Variants in HERC1 observed in about 807,000 individuals in gnomAD.
HERC1 encodes the protein probable E3 ubiquitin-protein ligase HERC1.
HERC1 carries 160 observed loss-of-function variants against 554.3 expected under a neutral mutation model. The observed-to-expected ratio is 0.29, with a 90% CI of 0.25 to 0.33. The LOEUF is 0.33. Among genes scored for constraint, HERC1 ranks in the 10% least tolerant of loss-of-function variants. The probability of loss-of-function intolerance (pLI) is 1.00; values close to 1 mark genes in which losing one functional copy is unlikely to be tolerated. For missense variants in HERC1, 4,919 were observed against 5,918.5 expected, an observed-to-expected ratio of 0.83 and a Z score of 5.54; for synonymous variants, 2,175 against 2,131.7, an observed-to-expected ratio of 1.02 and a Z score of -0.56.
intron 2 of HERC1, among the ~76,000 whole-genome samples, chr15:63,774,419 A>C (rs1234802709): frequency 6.6e-6 from 1 of 152,210 alleles, no homozygotes; most frequent in African/African-American, 2.4e-5. Flanking sequence ...AAGTTCGCTA[A>C]AACATAAAGT....
rs1445725789 is a variant in HERC1, at chr15:63,678,293, C to T, written c.6622G>A (p.Val2208Ile). 4.3e-6 allele frequency: 7 copies of T among 1,613,624 alleles called. No homozygotes were observed. The South Asian group carries it at 6.6e-5, about 15-fold the overall frequency. The change falls in exon 37 of 78, where the codon GTA becomes ATA. Residue 2208 changes from valine (V) to isoleucine (I), a missense_variant. Transcript: ENST00000443617. ...LLPGDPICSP[V>I]AAVLAEATIQ... is the part of the protein sequence containing the mutation. ...GTGGCCTCAGCCAGCACTGCTGCTA[C>T]TGGACTACAAATAGGGTCTCCTGGA...
intron 1 of HERC1, among the ~76,000 whole-genome samples, chr15:63,816,853 C>G (rs2077508017): frequency 6.6e-6 from 1 of 152,176 alleles, no homozygotes; most frequent in African/African-American, 2.4e-5. Flanking sequence ...TTTGCAATCA[C>G]TGATGAATTA....
intron 1 of HERC1, among the ~76,000 whole-genome samples, chr15:63,809,881 T>G (rs2077248318): frequency 6.6e-6 from 1 of 152,106 alleles, no homozygotes; most frequent in Non-Finnish European, 1.5e-5. Flanking sequence ...GGTCTCACTA[T>G]GTTGCCCAGA....
chr15:63,701,894 A>T (rs2072740539), intron 25 of HERC1, among the ~76,000 whole-genome samples: 1 of 152,106 alleles, frequency 6.6e-6, no homozygotes, highest in African/African-American at 2.4e-5. Context: ...TTATATCTGA[A>T]AAGGGCATTA....
rs745928647 is a variant in HERC1 at position 63,749,319 on chromosome 15, G to A, written c.2219+48C>T. On this transcript the variant is annotated intron_variant, in intron 10 of 77. Transcript: ENST00000443617. The surrounding 1 kb of genome is among the most constrained non-coding windows in gnomAD (Gnocchi z 4.1). ...TTATTAGTGTTTCTACTTTTTATTGGTGTTTATGTTAAAACACACAAGAAT... is the reference window on the plus strand; with the variant it reads ...TTATTAGTGTTTCTACTTTTTATTGATGTTTATGTTAAAACACACAAGAAT... 72 of 1,371,696 alleles carry A rather than the reference G, an allele frequency of 5.2e-5. 1 individual carries two copies. The Middle Eastern group carries it at 1.7e-3, about 33-fold the overall frequency. The allele number at this position is 1,371,696 out of a possible 1,614,324, so 85.0% of individuals were successfully genotyped here.
chr15:63,691,236 C>A (rs1203406188), intron 31 of HERC1, among the ~76,000 whole-genome samples: 1 of 152,058 alleles, frequency 6.6e-6, no homozygotes, highest in Non-Finnish European at 1.5e-5. Context: ...GAGGCTGAGG[C>A]GGGCAGATCA....
intron 46 of HERC1, among the ~76,000 whole-genome samples, chr15:63,660,167 A>C (rs1321935984): frequency 1.3e-5 from 2 of 152,016 alleles, no homozygotes. Context: ...AAAAAATACA[A>C]AAATTAGCCA....
intron 1 of HERC1, among the ~76,000 whole-genome samples, chr15:63,809,711 T>C (rs1567150140): frequency 1.3e-5 from 2 of 152,052 alleles, no homozygotes; most frequent in Non-Finnish European, 2.9e-5. Flanking sequence ...AACATTTTCT[T>C]AGTGTAGTTT....
intron 19 of HERC1, among the ~76,000 whole-genome samples, chr15:63,722,259 C>T (rs1596068513): frequency 6.6e-6 from 1 of 152,214 alleles, no homozygotes; most frequent in Non-Finnish European, 1.5e-5. Context: ...TATATCTTAT[C>T]TCAAACTGGA....
chr15:63,706,879 T>C (rs1391465201), intron 24 of HERC1, 48 bp from the exon 25 acceptor site: 1 of 1,208,694 alleles, frequency 8.3e-7, no homozygotes, highest in African/African-American at 1.5e-5. Flanking sequence ...GTGAAAAGTA[T>C]TTTAAGATTA....
At chr15:63,679,283 G>A (rs1478519604) in intron 36 of HERC1, among the ~76,000 whole-genome samples, 1 of 152,156 alleles carries the variant, frequency 6.6e-6, no homozygotes, top group Non-Finnish European at 1.5e-5. Context: ...TGGTTGTCCT[G>A]GCTGTCCAAG....
intron 47 of HERC1, among the ~76,000 whole-genome samples, chr15:63,659,528 C>T (rs532658180): frequency 3.9e-5 from 6 of 152,264 alleles, no homozygotes; most frequent in South Asian, 2.1e-4. Context: ...GCTGGGATTA[C>T]GAGCATAAGC....
chr15:63,822,403 T>C (rs1203784784), intron 1 of HERC1, among the ~76,000 whole-genome samples: 1 of 152,078 alleles, frequency 6.6e-6, no homozygotes, highest in Admixed American at 6.5e-5. Context: ...CTGACCAACA[T>C]GGTGAACCCC....
chr15:63,717,424 C>A (rs1314257122), intron 21 of HERC1, among the ~76,000 whole-genome samples: 1 of 152,182 alleles, frequency 6.6e-6, no homozygotes, highest in African/African-American at 2.4e-5. Context: ...AGTTAAGTTT[C>A]AAAGTCAGCA....
chr15:63,669,279 A>C (rs956889177), intron 40 of HERC1, among the ~76,000 whole-genome samples: 3 of 152,254 alleles, frequency 2.0e-5, no homozygotes, highest in Non-Finnish European at 4.4e-5. Flanking sequence ...AGGGAAACTT[A>C]CAACACTAAA....
At chr15:63,780,422 T>G (rs774473201) in intron 1 of HERC1, 1 of 152,014 alleles carries the variant, frequency 6.6e-6, no homozygotes, top group Non-Finnish European at 1.5e-5. Context: ...AAGCAAGTAT[T>G]AAAAAGGTAA....
At chr15:63,744,914 G>C (rs914272975) in intron 12 of HERC1, among the ~76,000 whole-genome samples, 3 of 152,188 alleles carry the variant, frequency 2.0e-5, no homozygotes, top group Non-Finnish European at 4.4e-5. Context: ...TGACATAGCA[G>C]CTGGGTATCA....
intron 14 of HERC1, 82 bp downstream of exon 14, chr15:63,732,842 G>A: frequency 2.3e-6 from 2 of 882,148 alleles, no homozygotes; most frequent in Middle Eastern, 2.8e-4. Flanking sequence ...TTCTATCATA[G>A]GTGTTTAAAT....
chr15:63,707,897 C>CCG (rs2073095986), intron 24 of HERC1, among the ~76,000 whole-genome samples: 1 of 137,056 alleles, frequency 7.3e-6, no homozygotes, highest in Non-Finnish European at 1.5e-5. Flanking sequence ...CCACTGCACT[C>CCG]CAGCCCGGAT....
Sources: gnomAD v4.1 joint callset for allele counts (sites outside exome capture counted in the v4.1 genomes callset) on GRCh38, gnomAD v4.1.1 for gene constraint, Gnocchi (gnomAD v3.1) non-coding constraint, MANE v1.5 for transcripts, NCBI Gene and HGNC (gene_info 2026-07-23, HGNC 2026-07-21) for gene names.